The following LZTS1 variants were observed in gnomAD, a reference collection of about 807,000 sequenced individuals.
LZTS1 encodes leucine zipper putative tumor suppressor 1.
LZTS1 carries 31 observed loss-of-function variants against 45.8 expected under a neutral mutation model. The ratio of observed to expected loss-of-function variants is 0.68; its 90% CI spans 0.51 to 0.91. LZTS1 has a LOEUF of 0.91. Among genes scored for constraint, LZTS1 ranks in the 40% least tolerant of loss-of-function variants. LZTS1 has a pLI of 0.00. For missense variants in LZTS1, 821 were observed against 788.9 expected (o/e 1.04, Z -0.49); for synonymous variants, 359 against 357.3 (o/e 1.00, Z -0.05).
intron 1 of LZTS1, among the ~76,000 whole-genome samples, chr8:20,269,241 G>A (rs1050598060): frequency 2.6e-5 from 4 of 152,158 alleles, no homozygotes; most frequent in Non-Finnish European, 5.9e-5. Context: ...GCCGGGCACC[G>A]CTGGATAAAG....
Position 20,249,071 on chromosome 8 carries a change from GC to G in LZTS1, c.*650del, listed in dbSNP as rs966993607. 2.0e-5 allele frequency: 3 copies of G among 153,126 alleles called. No individual in the cohort carries two copies. Among genetic ancestry groups the G allele is most frequent in the Non-Finnish European group, 2.9e-5 (2 of 68,478 alleles). The allele number at this position is 153,126 out of a possible 1,614,324, so 9.5% of individuals were successfully genotyped here. On this transcript the variant is annotated 3_prime_UTR_variant, in exon 4 of 4. Transcript: ENST00000381569. The stretch of plus-strand genomic sequence containing the variant: ...AGGGGCTGGCCATCACCCGCCACTG[GC>G]TCTCAACCCTTGGATTCTCCCTCTG...
rs139288293 is a variant in LZTS1, at chr8:20,286,292, A to T, written c.-135+17448T>A. Among the ~76,000 whole-genome samples, 33 of 152,356 alleles carry T rather than the reference A, an allele frequency of 2.2e-4. 1 individual carries two copies. The East Asian group carries it at 5.0e-3, about 23-fold the overall frequency. ...AGAAAACAATTCTCGTAAATCTCTA[A>T]TAGAAAAACAGAAACCAAATTTAAA... is the stretch of plus-strand genomic sequence containing the variant. On this transcript the variant is annotated intron_variant, in intron 1 of 3. Transcript: ENST00000381569.
intron 1 of LZTS1, among the ~76,000 whole-genome samples, chr8:20,271,915 C>T (rs1367216304): frequency 2.0e-5 from 3 of 152,160 alleles, no homozygotes; most frequent in Admixed American, 6.5e-5. Flanking sequence ...GTGGGGCAGC[C>T]GCAGCTGGGG....
rs558488986 is a variant in LZTS1 at position 20,248,659 on chromosome 8, G to A, written c.*1063C>T. On this transcript the variant is annotated 3_prime_UTR_variant, in exon 4 of 4. Transcript: ENST00000381569. ...AGCCCTGAAGGTGCTAAGGGGGAAAGGTTTGCCGCTAAACCTGGCTGTAGG... is the reference window on the plus strand; with the variant it reads ...AGCCCTGAAGGTGCTAAGGGGGAAAAGTTTGCCGCTAAACCTGGCTGTAGG... The A allele has an allele frequency of 6.6e-6, 1 of 152,400 alleles. No individual in the cohort carries two copies. Among genetic ancestry groups the A allele is most frequent in the African/African-American group, 2.4e-5 (1 of 41,566 alleles). 9.4% of individuals were successfully genotyped at this position (152,400 alleles called of 1,614,324 possible). A position where few individuals can be genotyped will look rare whatever the true frequency, so the allele number is the denominator to read the frequency against.
intron 1 of LZTS1, among the ~76,000 whole-genome samples, chr8:20,284,482 G>C (rs980788156): frequency 6.6e-6 from 1 of 152,128 alleles, no homozygotes; most frequent in Admixed American, 6.5e-5. Flanking sequence ...GTTTGTTTTT[G>C]TTTTAATCAC....
chr8:20,298,509 C>T (rs1375134412), intron 1 of LZTS1, among the ~76,000 whole-genome samples: 1 of 152,076 alleles, frequency 6.6e-6, no homozygotes, highest in Non-Finnish European at 1.5e-5. Flanking sequence ...AAGTAAAAAG[C>T]GCTATTGAAA....
rs1020570006 is a variant in LZTS1, at chr8:20,288,148, G to A, written c.-135+15592C>T. Among the ~76,000 whole-genome samples, 8 of 152,224 alleles carry A rather than the reference G, an allele frequency of 5.3e-5. No homozygotes were observed. In the South Asian group the frequency reaches 1.2e-3, roughly 24 times the overall value. On this transcript the variant is annotated intron_variant, in intron 1 of 3. Transcript: ENST00000381569. ...CTCAAAGAGGAGTGAAGCTTTCCTGGTGTTGTCAGCTCAGCCGAGCAGAGC... is the reference window on the plus strand; with the variant it reads ...CTCAAAGAGGAGTGAAGCTTTCCTGATGTTGTCAGCTCAGCCGAGCAGAGC...
intron 3 of LZTS1, among the ~76,000 whole-genome samples, chr8:20,250,646 C>T (rs1799870958): frequency 6.6e-6 from 1 of 152,182 alleles, no homozygotes; most frequent in South Asian, 2.1e-4. Flanking sequence ...GCTTTGTCAC[C>T]TAGGCTGGGG....
intron 1 of LZTS1, among the ~76,000 whole-genome samples, chr8:20,301,996 T>G (rs1409032339): frequency 3.3e-5 from 5 of 152,062 alleles, no homozygotes; most frequent in African/African-American, 1.2e-4. Context: ...TCTACTAGTT[T>G]TCTTCTCTTC....
intron 2 of LZTS1, among the ~76,000 whole-genome samples, chr8:20,254,557 C>T (rs895606006): frequency 6.6e-6 from 1 of 152,220 alleles, no homozygotes; most frequent in South Asian, 2.1e-4. Context: ...AGCTACATTT[C>T]AGTGGGACTC....
intron 1 of LZTS1, among the ~76,000 whole-genome samples, chr8:20,271,590 G>A (rs767402030): frequency 2.6e-4 from 40 of 152,144 alleles, no homozygotes; most frequent in Admixed American, 5.9e-4. Context: ...CCCCGGTGAC[G>A]CTGAGTGACT....
chr8:20,285,583 A>T (rs191994443), intron 1 of LZTS1, among the ~76,000 whole-genome samples: 1 of 152,248 alleles, frequency 6.6e-6, no homozygotes, highest in Non-Finnish European at 1.5e-5. Flanking sequence ...AGGAAAATCT[A>T]TATTAATGCA....
chr8:20,262,797 C>T (rs192012302), intron 1 of LZTS1, among the ~76,000 whole-genome samples: 4 of 152,092 alleles, frequency 2.6e-5, no homozygotes, highest in Non-Finnish European at 4.4e-5. Context: ...GACAGCCCCA[C>T]GACAAAGAAT....
Position 20,247,547 on chromosome 8 carries a change from G to A in LZTS1, c.*2175C>T, listed in dbSNP as rs1799768755. On this transcript the variant is annotated 3_prime_UTR_variant, in exon 4 of 4. Coordinates refer to ENST00000381569, the MANE Select transcript of LZTS1 (RefSeq NM_021020.5). ...GAGGGTACTGCCCTCAGGCAGGGAGGGACTTTTGGCTTGTAGATTCCAGGT... is the reference window on the plus strand; with the variant it reads ...GAGGGTACTGCCCTCAGGCAGGGAGAGACTTTTGGCTTGTAGATTCCAGGT... The A allele has an allele frequency of 6.5e-6, 1 of 152,782 alleles. No homozygotes were observed. The highest frequency in any genetic ancestry group is 2.4e-5 in the African/African-American group (1 of 41,476). The allele number at this position is 152,782 out of a possible 1,614,324, so 9.5% of individuals were successfully genotyped here.
intron 1 of LZTS1, among the ~76,000 whole-genome samples, chr8:20,297,435 G>A (rs1800995225): frequency 6.6e-6 from 1 of 151,146 alleles, no homozygotes; most frequent in Non-Finnish European, 1.5e-5. Flanking sequence ...TTGTTTTTGA[G>A]ACAGAGTCTC....
intron 3 of LZTS1, among the ~76,000 whole-genome samples, chr8:20,250,735 A>T (rs990927530): frequency 6.6e-6 from 1 of 151,904 alleles, no homozygotes; most frequent in Non-Finnish European, 1.5e-5. Flanking sequence ...AGTAGCTGGG[A>T]TTACAGACAC....
intron 1 of LZTS1, among the ~76,000 whole-genome samples, chr8:20,285,384 T>C (rs1331876944): frequency 1.3e-5 from 2 of 152,162 alleles, no homozygotes; most frequent in Non-Finnish European, 2.9e-5. Flanking sequence ...TTATCCATAA[T>C]CTCATTTACT....
intron 1 of LZTS1, among the ~76,000 whole-genome samples, chr8:20,292,503 A>G (rs1215337933): frequency 6.6e-6 from 1 of 152,246 alleles, no homozygotes; most frequent in Non-Finnish European, 1.5e-5. Context: ...TTGCTGTCAC[A>G]GAACCCTTAG....
intron 1 of LZTS1, among the ~76,000 whole-genome samples, chr8:20,297,536 T>G (rs1373166284): frequency 6.6e-6 from 1 of 152,164 alleles, no homozygotes; most frequent in Non-Finnish European, 1.5e-5. Context: ...CGCCTCAGCC[T>G]CCTGAGTAGC....
Sources: allele counts gnomAD v4.1 joint callset (sites outside exome capture counted in the v4.1 genomes callset), GRCh38; gene constraint gnomAD v4.1.1; transcripts MANE v1.5; gene names NCBI Gene and HGNC (gene_info 2026-07-23, HGNC 2026-07-21).